Variants in LRRTM4 observed in about 807,000 individuals in gnomAD.
LRRTM4 encodes leucine rich repeat transmembrane neuronal 4, also known as leucine-rich repeat transmembrane neuronal protein 4.
LRRTM4 carries 25 observed loss-of-function variants against 47.6 expected under a neutral mutation model. The ratio of observed to expected loss-of-function variants is 0.53; its 90% CI spans 0.38 to 0.73. The LOEUF (loss-of-function observed/expected upper bound fraction) is 0.73. Among genes scored for constraint, LRRTM4 ranks in the 30% least tolerant of loss-of-function variants. LRRTM4 has a pLI of 0.00. For missense variants in LRRTM4, 638 were observed against 713.4 expected, an observed-to-expected ratio of 0.89 and a Z score of 1.20; for synonymous variants, 311 against 269.5, an observed-to-expected ratio of 1.15 and a Z score of -1.51.
chr2:76,888,044 T>C lies in LRRTM4; in HGVS notation c.1552-139128A>G, dbSNP rs1430926523. Among the ~76,000 whole-genome samples, 4 of 149,864 alleles carry C rather than the reference T, an allele frequency of 2.7e-5. No homozygotes were observed. The Admixed American group carries it at 2.7e-4, about 10-fold the overall frequency. On this transcript the variant is annotated intron_variant, in intron 3 of 3. Transcript: ENST00000409884. Reference sequence around the variant, plus strand: ...TCTGCACACACTGTGTGTGTGTATATATACATATATGTGTGTTTGTATATA... The same window carrying C: ...TCTGCACACACTGTGTGTGTGTATACATACATATATGTGTGTTTGTATATA...
At chr2:77,080,824 T>C (rs995221990) in intron 3 of LRRTM4, among the ~76,000 whole-genome samples, 3 of 152,314 alleles carry the variant, frequency 2.0e-5, no homozygotes, top group African/African-American at 4.8e-5. Context: ...TAAAGCCTTC[T>C]GTGCTTAGCG....
chr2:77,135,159 C>T (rs1671900206), intron 3 of LRRTM4, among the ~76,000 whole-genome samples: 1 of 152,150 alleles, frequency 6.6e-6, no homozygotes, highest in Non-Finnish European at 1.5e-5. Flanking sequence ...CTTCCAACTC[C>T]ACAGAATCAG....
intron 3 of LRRTM4, among the ~76,000 whole-genome samples, chr2:76,929,617 G>C (rs1447767344): frequency 6.6e-6 from 1 of 152,140 alleles, no homozygotes; most frequent in Non-Finnish European, 1.5e-5. Flanking sequence ...GAAAAAGTGA[G>C]AGAGTAGACA....
At chr2:77,309,545 G>A (rs1156458672) in intron 3 of LRRTM4, among the ~76,000 whole-genome samples, 2 of 152,106 alleles carry the variant, frequency 1.3e-5, no homozygotes, top group Non-Finnish European at 1.5e-5. Context: ...AGAAGGGAAA[G>A]GCCTGTAAGT....
intron 3 of LRRTM4, among the ~76,000 whole-genome samples, chr2:77,083,793 T>TGG (rs1558569774): frequency 1.5e-5 from 1 of 66,452 alleles, no homozygotes; most frequent in African/African-American, 7.7e-5. Flanking sequence ...CTTTTTTTTT[T>TGG]TTTTTTTTTT....
chr2:77,207,358 T>TAC (rs1207272540), intron 3 of LRRTM4, among the ~76,000 whole-genome samples: 1 of 135,240 alleles, frequency 7.4e-6, no homozygotes, highest in Non-Finnish European at 1.5e-5. Context: ...TGTATATATA[T>TAC]ATATATATAT....
At chr2:76,891,342 T>C (rs1050184427) in intron 3 of LRRTM4, among the ~76,000 whole-genome samples, 7 of 151,766 alleles carry the variant, frequency 4.6e-5, no homozygotes, top group Non-Finnish European at 1.0e-4. Flanking sequence ...TGAAATAATA[T>C]AGGGAATTTC....
intron 3 of LRRTM4, among the ~76,000 whole-genome samples, chr2:77,386,377 G>A (rs1673274137): frequency 6.6e-6 from 1 of 152,126 alleles, no homozygotes; most frequent in African/African-American, 2.4e-5. Flanking sequence ...GAAATGCTGT[G>A]ATCGAAAGTT....
intron 3 of LRRTM4, among the ~76,000 whole-genome samples, chr2:77,182,471 C>T (rs1479224376): frequency 6.6e-6 from 1 of 151,996 alleles, no homozygotes; most frequent in Non-Finnish European, 1.5e-5. Flanking sequence ...TCAATAGGTG[C>T]AGCAAACCAC....
At chr2:77,389,316 G>A (rs1243965928) in intron 3 of LRRTM4, among the ~76,000 whole-genome samples, 2 of 152,036 alleles carry the variant, frequency 1.3e-5, no homozygotes, top group Admixed American at 6.6e-5. Flanking sequence ...TAAAGTCTGA[G>A]GAACTTAATT....
chr2:77,506,923 T>G (rs1197805004), intron 3 of LRRTM4, among the ~76,000 whole-genome samples: 1 of 152,050 alleles, frequency 6.6e-6, no homozygotes, highest in African/African-American at 2.4e-5. Context: ...AGTAATGTTA[T>G]GCAATCATAT....
chr2:77,060,646 A>G (rs570514892), intron 3 of LRRTM4, among the ~76,000 whole-genome samples: 1 of 152,318 alleles, frequency 6.6e-6, no homozygotes, highest in Non-Finnish European at 1.5e-5. Context: ...TATATATGGT[A>G]TACACAGTAT....
chr2:77,165,786 A>G (rs995663832), intron 3 of LRRTM4, among the ~76,000 whole-genome samples: 2 of 152,216 alleles, frequency 1.3e-5, no homozygotes, highest in Non-Finnish European at 2.9e-5. Context: ...CTCTCAATAA[A>G]TTAGGTATTG....
chr2:76,925,277 G>A (rs1167824080), intron 3 of LRRTM4, among the ~76,000 whole-genome samples: 1 of 152,052 alleles, frequency 6.6e-6, no homozygotes, highest in African/African-American at 2.4e-5. Context: ...AACTGCCCAG[G>A]GAGCGGGTTG....
At chr2:76,896,074 A>G (rs1324430049) in intron 3 of LRRTM4, among the ~76,000 whole-genome samples, 3 of 152,100 alleles carry the variant, frequency 2.0e-5, no homozygotes, top group African/African-American at 7.2e-5. Context: ...TTTATACCAT[A>G]GATATTAAAG....
intron 3 of LRRTM4, among the ~76,000 whole-genome samples, chr2:77,492,416 G>A (rs556547625): frequency 2.0e-5 from 3 of 151,878 alleles, no homozygotes; most frequent in East Asian, 1.9e-4. Context: ...ATGCCATCAC[G>A]CCTGGCTAAT....
intron 3 of LRRTM4, among the ~76,000 whole-genome samples, chr2:76,896,856 T>G (rs1673433404): frequency 6.7e-6 from 1 of 148,580 alleles, no homozygotes; most frequent in African/African-American, 2.5e-5. Flanking sequence ...TAGATACATC[T>G]AAAAGATAGA....
chr2:77,084,985 T>A (rs1227985234), intron 3 of LRRTM4, among the ~76,000 whole-genome samples: 2 of 152,178 alleles, frequency 1.3e-5, no homozygotes, highest in African/African-American at 4.8e-5. Context: ...TTACTTTTGT[T>A]ATGTGAAAAA....
At chr2:77,310,155 T>C (rs1190178575) in intron 3 of LRRTM4, among the ~76,000 whole-genome samples, 4 of 152,158 alleles carry the variant, frequency 2.6e-5, no homozygotes, top group Non-Finnish European at 5.9e-5. Flanking sequence ...TATGCTAAGC[T>C]CATATGTTTA....
Sources: gnomAD v4.1 joint callset for allele counts (sites outside exome capture counted in the v4.1 genomes callset) on GRCh38, gnomAD v4.1.1 for gene constraint, MANE v1.5 for transcripts, NCBI Gene and HGNC (gene_info 2026-07-23, HGNC 2026-07-21) for gene names.